ZNF618: variants seen among roughly 807,000 people sequenced by gnomAD.
ZNF618 encodes the protein zinc finger protein 618, also known as neural precursor cell expressed, developmentally down-regulated 10.
A neutral mutation model predicts 103.0 loss-of-function variants in ZNF618; 34 were observed. The observed-to-expected ratio is 0.33, with a 90% confidence interval of 0.25 to 0.44. The LOEUF is 0.44. ZNF618 is among the 20% of genes least tolerant of loss of function. The pLI is 1.00. For missense variants in ZNF618, 1,059 were observed against 1,295.4 expected (o/e 0.82, Z 2.80); for synonymous variants, 551 against 542.2 (o/e 1.02, Z -0.23).
chr9:113,908,583 C>T (rs1030765948), intron 1 of ZNF618, among the ~76,000 whole-genome samples: 6 of 152,022 alleles, frequency 3.9e-5, no homozygotes, highest in African/African-American at 1.4e-4. Flanking sequence ...AAAAGTTTCT[C>T]GGGCCCTGGG....
In ZNF618 at chr9:113,882,899, C is replaced by T. The variant is rs183457205; in HGVS notation, c.33+6486C>T. On this transcript the variant is annotated intron_variant, in intron 1 of 14. Coordinates refer to ENST00000374126, the MANE Select transcript of ZNF618 (RefSeq NM_001318042.2). ...TGTAGAGCTCCCCCAACAAATTTCC[C>T]CAGGTAGGCTTCCTCTCCCTCTGCC... is the stretch of plus-strand genomic sequence containing the variant. 5.3e-5 allele frequency among the ~76,000 whole-genome samples: 8 copies of T among 152,274 alleles called. No homozygotes were observed. In the East Asian group the frequency reaches 1.4e-3, roughly 26 times the overall value.
chr9:113,940,924 G>A (rs1409113384), intron 1 of ZNF618, among the ~76,000 whole-genome samples: 7 of 152,018 alleles, frequency 4.6e-5, no homozygotes, highest in African/African-American at 7.3e-5. Context: ...GTGATTTCTC[G>A]TTTAAGTGTC....
chr9:113,995,651 A>G (rs1468039418), intron 3 of ZNF618, among the ~76,000 whole-genome samples: 1 of 152,190 alleles, frequency 6.6e-6, no homozygotes, highest in Admixed American at 6.5e-5. Context: ...GGGGTCTATC[A>G]TCAGATGATA....
At chr9:114,033,704 T>G (rs1844313286) in intron 12 of ZNF618, among the ~76,000 whole-genome samples, 1 of 152,096 alleles carries the variant, frequency 6.6e-6, no homozygotes, top group African/African-American at 2.4e-5. Flanking sequence ...AGCTGTTCTG[T>G]ACCCTGAGAG....
intron 4 of ZNF618, among the ~76,000 whole-genome samples, chr9:113,999,377 C>T (rs1015453655): frequency 6.6e-6 from 1 of 151,402 alleles, no homozygotes; most frequent in Non-Finnish European, 1.5e-5. Flanking sequence ...GAGGCGCAGG[C>T]GGGGCCCTGG....
At chr9:113,904,689 G>A (rs1830834879) in intron 1 of ZNF618, among the ~76,000 whole-genome samples, 1 of 152,188 alleles carries the variant, frequency 6.6e-6, no homozygotes, top group Admixed American at 6.5e-5. Context: ...AAATCAAGGT[G>A]TCAGCCGAGG....
chr9:113,946,964 G>C (rs1835095488), intron 1 of ZNF618, among the ~76,000 whole-genome samples: 1 of 152,158 alleles, frequency 6.6e-6, no homozygotes, highest in African/African-American at 2.4e-5. Flanking sequence ...GGGAAAGCCT[G>C]CCTCCTCCTC....
rs1275884063 is a variant in ZNF618 at position 113,951,522 on chromosome 9, T to TGTGTGTGTGTGC, written c.34-17595_34-17594insGTGTGTGTGTGC. On this transcript the variant is annotated intron_variant, in intron 1 of 14. Coordinates refer to ENST00000374126, the MANE Select transcript of ZNF618 (RefSeq NM_001318042.2). Reference sequence around the variant, plus strand: ...GTGTACACATATATGTGTGTATATGTACACATATGTGTGTACATATGTACA... The same window carrying TGTGTGTGTGTGC: ...GTGTACACATATATGTGTGTATATGTGTGTGTGTGTGCACACATATGTGTGTACATATGTACA... Among the ~76,000 whole-genome samples the TGTGTGTGTGTGC allele has an allele frequency of 3.2e-5, 3 of 94,852 alleles. 1 individual carries two copies. In the East Asian group the frequency reaches 1.3e-3, roughly 40 times the overall value. The allele number at this position is 94,852 out of a possible 152,430, so 62.2% of individuals were successfully genotyped here.
intron 9 of ZNF618, among the ~76,000 whole-genome samples, chr9:114,010,974 C>T (rs1214710324): frequency 6.6e-6 from 1 of 152,206 alleles, no homozygotes; most frequent in Non-Finnish European, 1.5e-5. Flanking sequence ...ACAAGCACAT[C>T]TCTGAATTTT....
Position 113,884,169 on chromosome 9 carries a change from A to AG in ZNF618, c.33+7762dup, listed in dbSNP as rs201609150. ...GGAGGTGAAGTCCTGTAAATGGGGGAGGGGGGTCTCTTCAGTACAGCCACA... is the reference window on the plus strand; with the variant it reads ...GGAGGTGAAGTCCTGTAAATGGGGGAGGGGGGGTCTCTTCAGTACAGCCACA... On this transcript the variant is annotated intron_variant, in intron 1 of 14. Transcript: ENST00000374126. Among the ~76,000 whole-genome samples, 762 of 152,030 alleles carry AG rather than the reference A, an allele frequency of 5.0e-3. 1 individual carries two copies. Among genetic ancestry groups the AG allele is most frequent in the East Asian group, 0.019 (99 of 5,170 alleles).
At chr9:113,929,071 T>G (rs534817238) in intron 1 of ZNF618, among the ~76,000 whole-genome samples, 1 of 152,298 alleles carries the variant, frequency 6.6e-6, no homozygotes, top group South Asian at 2.1e-4. Flanking sequence ...AAATGGTTAT[T>G]TTCCACCCCC....
intron 2 of ZNF618, among the ~76,000 whole-genome samples, chr9:113,987,751 C>T (rs1420005734): frequency 1.3e-5 from 2 of 152,196 alleles, no homozygotes; most frequent in Non-Finnish European, 2.9e-5. Flanking sequence ...CCCAACCACT[C>T]GGGAGGCCGA....
In ZNF618 at chr9:114,044,908, CT is replaced by C. The variant is rs201169911; in HGVS notation, c.1247-2984del. On this transcript the variant is annotated intron_variant, in intron 13 of 14. Coordinates refer to ENST00000374126, the MANE Select transcript of ZNF618 (RefSeq NM_001318042.2). Reference sequence around the variant, plus strand: ...TCACTGTTGATGTATAGCAGTGCTACTGATTTGTGTACATTGATTTTGTATC... The same window carrying C: ...TCACTGTTGATGTATAGCAGTGCTACGATTTGTGTACATTGATTTTGTATC... 8.1e-3 allele frequency among the ~76,000 whole-genome samples: 1,232 copies of C among 152,076 alleles called. 10 individuals carry two copies. Among genetic ancestry groups the C allele is most frequent in the Non-Finnish European group, 0.014 (978 of 67,968 alleles).
chr9:113,884,774 CAGAGAGAGAGAGAG>C (rs3034065), intron 1 of ZNF618, among the ~76,000 whole-genome samples: 25 of 142,284 alleles, frequency 1.8e-4, no homozygotes, highest in African/African-American at 3.4e-4. Context: ...CACAAACACA[CAGAGAGAGAGAGAG>C]AGAGAGAGAG....
chr9:113,960,402 G>A (rs1028285942), intron 1 of ZNF618, among the ~76,000 whole-genome samples: 1 of 152,228 alleles, frequency 6.6e-6, no homozygotes, highest in African/African-American at 2.4e-5. Flanking sequence ...ACTGTTGACA[G>A]TGATGTCAAA....
chr9:113,975,625 T>G (rs1304011277), intron 2 of ZNF618, among the ~76,000 whole-genome samples: 1 of 152,070 alleles, frequency 6.6e-6, no homozygotes, highest in Non-Finnish European at 1.5e-5. Context: ...GATTTCTGGG[T>G]TTTGGATTAG....
At chr9:114,036,063 A>G (rs890303515) in intron 12 of ZNF618, among the ~76,000 whole-genome samples, 33 of 152,222 alleles carry the variant, frequency 2.2e-4, no homozygotes, top group Non-Finnish European at 2.1e-4. Context: ...CTCAATAAAT[A>G]GCTGCTCAAT....
intron 1 of ZNF618, among the ~76,000 whole-genome samples, chr9:113,945,262 T>G (rs1383499678): frequency 2.6e-5 from 4 of 152,200 alleles, no homozygotes; most frequent in Non-Finnish European, 5.9e-5. Flanking sequence ...TGTTTTCAGG[T>G]TAAATACCAG....
At chr9:113,897,676 AT>A (rs1006160120) in intron 1 of ZNF618, among the ~76,000 whole-genome samples, 2 of 151,918 alleles carry the variant, frequency 1.3e-5, no homozygotes, top group Non-Finnish European at 2.9e-5. Context: ...ATCTCTTTAA[AT>A]TTTTTTTAGT....
Sources: gnomAD v4.1 joint callset for allele counts (sites outside exome capture counted in the v4.1 genomes callset) on GRCh38, gnomAD v4.1.1 for gene constraint, MANE v1.5 for transcripts, NCBI Gene and HGNC (gene_info 2026-07-23, HGNC 2026-07-21) for gene names.